PRKAR1B: variants seen among roughly 807,000 people sequenced by gnomAD.
PRKAR1B encodes protein kinase cAMP-dependent type I regulatory subunit beta.
A neutral mutation model predicts 46.5 loss-of-function variants in PRKAR1B; 22 were observed. The observed-to-expected ratio is 0.47, with a 90% CI of 0.34 to 0.68. PRKAR1B has a LOEUF of 0.68. PRKAR1B is among the 30% of genes least tolerant of loss of function. The pLI, the probability that PRKAR1B is intolerant of heterozygous loss-of-function variation, is 0.01. For missense variants in PRKAR1B, 445 were observed against 535.6 expected (o/e 0.83, Z 1.67); for synonymous variants, 259 against 217.7 (o/e 1.19, Z -1.67).
At chr7:703,692 C>T (rs1019199902) in intron 2 of PRKAR1B, among the ~76,000 whole-genome samples, 47 of 151,192 alleles carry the variant, frequency 3.1e-4, no homozygotes, top group African/African-American at 1.1e-3. Flanking sequence ...ATGCAAAAGA[C>T]CCTAACCTGA....
At chr7:645,900 C>G (rs188913915) in intron 4 of PRKAR1B, among the ~76,000 whole-genome samples, 263 of 152,290 alleles carry the variant, frequency 1.7e-3, no homozygotes, top group Middle Eastern at 3.4e-3. Flanking sequence ...CCGATCTGGT[C>G]CCTGTTTTCA....
chr7:656,740 C>CATGG lies in PRKAR1B; in HGVS notation c.440+20485_440+20488dup, dbSNP rs530861246. On this transcript the variant is annotated intron_variant, in intron 4 of 10. Coordinates refer to ENST00000537384, the MANE Select transcript of PRKAR1B (RefSeq NM_001164760.2). Reference sequence around the variant, plus strand: ...AAATGAGTGGATGGATGTGTAAATGCATGGATGGATGAATGAATGAATGGA... The same window carrying CATGG: ...AAATGAGTGGATGGATGTGTAAATGCATGGATGGATGGATGAATGAATGAATGGA... Among the ~76,000 whole-genome samples the CATGG allele has an allele frequency of 4.1e-3, 625 of 151,248 alleles. 1 individual carries two copies. The highest frequency in any genetic ancestry group is 0.02 in the South Asian group (94 of 4,782).
Position 680,713 on chromosome 7 carries a change from T to C in PRKAR1B, c.191A>G (p.Gln64Arg). ...FEKLEKEENR[Q>R]ILARQKSNSQ... is the part of the protein sequence containing the mutation. ...GTTTGACTTTTGCCGCGCCAAAATC[T>C]GCCTGTTTTCTTCCTGTGTGGGAGA... The change falls in exon 3 of 11, where the codon CAG (glutamine) becomes CGG (arginine). Residue 64 changes from glutamine (Q) to arginine (R), a missense_variant. Coordinates refer to ENST00000537384, the MANE Select transcript of PRKAR1B (RefSeq NM_001164760.2). 6.2e-7 allele frequency: 1 copy of C among 1,613,984 alleles called. No individual in the cohort carries two copies.
chr7:581,654 C>T (rs1780193519), intron 8 of PRKAR1B, among the ~76,000 whole-genome samples: 1 of 152,178 alleles, frequency 6.6e-6, no homozygotes, highest in South Asian at 2.1e-4. Flanking sequence ...AAATTATCTC[C>T]TGGCTACATT....
At chr7:613,339 T>C (rs535587051) in intron 4 of PRKAR1B, among the ~76,000 whole-genome samples, 26 of 152,088 alleles carry the variant, frequency 1.7e-4, no homozygotes, top group Admixed American at 1.1e-3. Context: ...CCGTTCATCA[T>C]TGGAGAAAAC....
chr7:579,318 C>T lies in PRKAR1B; in HGVS notation c.829G>A (p.Glu277Lys). The T allele has an allele frequency of 6.2e-7, 1 of 1,614,178 alleles. No homozygotes were observed. Among genetic ancestry groups the T allele is most frequent in the East Asian group, 2.2e-5 (1 of 44,876 alleles). Residue 277 changes from glutamate to lysine, a missense_variant, in exon 9 of 11, where the codon GAA (glutamate) becomes AAA (lysine). Glu to Lys is a moderately conservative substitution (Grantham distance 56). This residue lies in a region of PRKAR1B where 51 missense variants were observed against 85.1 expected (regional missense o/e 0.60). Transcript: ENST00000537384. ...VADALEPVQF[E>K]DGEKIVVQGE... ...TGGACCACAATTTTCTCTCCATCTT[C>T]AAACTGGACGGGCTCCAGCGCATCC...
intron 4 of PRKAR1B, among the ~76,000 whole-genome samples, chr7:620,749 C>T (rs572544074): frequency 2.3e-5 from 3 of 129,982 alleles, no homozygotes; most frequent in African/African-American, 4.4e-5. Flanking sequence ...AATTCATCTT[C>T]TCTCTACCCT....
At chr7:675,685 C>T (rs934051538) in intron 4 of PRKAR1B, among the ~76,000 whole-genome samples, 2 of 152,162 alleles carry the variant, frequency 1.3e-5, no homozygotes, top group African/African-American at 4.8e-5. Context: ...CAGTGGCTCA[C>T]GCCTGTAATC....
In PRKAR1B at chr7:607,806, T is replaced by C. The variant is rs555379865; in HGVS notation, c.441-354A>G. On this transcript the variant is annotated intron_variant, in intron 4 of 10. Transcript: ENST00000537384. ...ACATTCTCCCATCGGTAAATACAAT[T>C]CTACTAGAATACAACCAGCAATCTT... The C allele has an allele frequency of 2.6e-4, 61 of 232,336 alleles. No homozygotes were observed. The Middle Eastern group carries it at 0.014, about 53-fold the overall frequency. The allele number at this position is 232,336 out of a possible 1,614,324, so 14.4% of individuals were successfully genotyped here.
rs1020924886 is a variant in PRKAR1B, at chr7:679,599, C to G, written c.348+957G>C. Among the ~76,000 whole-genome samples the G allele has an allele frequency of 2.0e-5, 3 of 152,294 alleles. No homozygotes were observed. In the East Asian group the frequency reaches 5.8e-4, roughly 29 times the overall value. Reference sequence around the variant, plus strand: ...GGTGTGCGTGTTTAGGGAATAGAGTCTCAGTTCTGCAAGGTAAGAAGGTTC... The same window carrying G: ...GGTGTGCGTGTTTAGGGAATAGAGTGTCAGTTCTGCAAGGTAAGAAGGTTC... On this transcript the variant is annotated intron_variant, in intron 3 of 10. Coordinates refer to ENST00000537384, the MANE Select transcript of PRKAR1B (RefSeq NM_001164760.2).
intron 4 of PRKAR1B, among the ~76,000 whole-genome samples, chr7:617,789 G>A (rs1364752289): frequency 1.3e-5 from 2 of 152,200 alleles, no homozygotes; most frequent in African/African-American, 4.8e-5. Context: ...AGCCCAGGAC[G>A]TGGCAGGTCG....
Position 550,360 on chromosome 7 carries a change from G to A in PRKAR1B, c.*70C>T. On this transcript the variant is annotated 3_prime_UTR_variant, in exon 11 of 11. Coordinates refer to ENST00000537384, the MANE Select transcript of PRKAR1B (RefSeq NM_001164760.2). ...CCACACCTCACACAGCGGCTCCCGG[G>A]CCCCCGACACAGACGAGCAGGGCAC... The A allele has an allele frequency of 2.1e-6, 3 of 1,459,398 alleles. No individual in the cohort carries two copies. The highest frequency in any genetic ancestry group is 2.8e-6 in the Non-Finnish European group (3 of 1,068,272). The allele number at this position is 1,459,398 out of a possible 1,614,324, so 90.4% of individuals were successfully genotyped here.
intron 9 of PRKAR1B, among the ~76,000 whole-genome samples, chr7:571,278 C>T (rs976250664): frequency 6.6e-6 from 1 of 152,228 alleles, no homozygotes; most frequent in African/African-American, 2.4e-5. Context: ...CCTCGCGGTA[C>T]AGGCTGGGTC....
At chr7:610,457 G>T (rs1369228535) in intron 4 of PRKAR1B, among the ~76,000 whole-genome samples, 1 of 152,148 alleles carries the variant, frequency 6.6e-6, no homozygotes, top group Non-Finnish European at 1.5e-5. Context: ...TCTCCCCAGG[G>T]ACGGAGGAAC....
chr7:646,929 A>G (rs1784647484), intron 4 of PRKAR1B, among the ~76,000 whole-genome samples: 1 of 152,214 alleles, frequency 6.6e-6, no homozygotes, highest in Non-Finnish European at 1.5e-5. Flanking sequence ...TGAGGGCGGC[A>G]GCGGTACACC....
chr7:670,059 T>G (rs771481171), intron 4 of PRKAR1B, among the ~76,000 whole-genome samples: 49 of 151,516 alleles, frequency 3.2e-4, no homozygotes, highest in Non-Finnish European at 5.6e-4. Flanking sequence ...TAGTAGAGAC[T>G]GGGTTTCACT....
Position 651,533 on chromosome 7 carries a change from G to A in PRKAR1B, c.440+25696C>T, listed in dbSNP as rs1401533154. On this transcript the variant is annotated intron_variant, in intron 4 of 10. Coordinates refer to ENST00000537384, the MANE Select transcript of PRKAR1B (RefSeq NM_001164760.2). ...CTGTCAGAAGACAGTTCACACCCGT[G>A]CAGCGCTAGGAACCTGGGAAACCCC... Among the ~76,000 whole-genome samples the A allele has an allele frequency of 5.6e-5, 8 of 142,162 alleles. No individual in the cohort carries two copies. The South Asian group carries it at 1.4e-3, about 24-fold the overall frequency. 93.3% of individuals were successfully genotyped at this position (142,162 alleles called of 152,430 possible).
In PRKAR1B at chr7:644,222, C is replaced by T. The variant is rs1321888524; in HGVS notation, c.440+33007G>A. ...TGTTCAACCTGCGTCAGGATGAACCCTCATATTATAGAATGACTCCCCTGT... is the reference window on the plus strand; with the variant it reads ...TGTTCAACCTGCGTCAGGATGAACCTTCATATTATAGAATGACTCCCCTGT... On this transcript the variant is annotated intron_variant, in intron 4 of 10. Transcript: ENST00000537384. The surrounding 1 kb of genome is among the most constrained non-coding windows in gnomAD (Gnocchi z 4.9). Among the ~76,000 whole-genome samples, 2 of 152,070 alleles carry T rather than the reference C, an allele frequency of 1.3e-5. No homozygotes were observed. The highest frequency in any genetic ancestry group is 3.9e-4 in the East Asian group (2 of 5,182).
intron 9 of PRKAR1B, among the ~76,000 whole-genome samples, chr7:553,967 CAG>C (rs1310272736): frequency 3.9e-5 from 6 of 152,264 alleles, no homozygotes; most frequent in African/African-American, 1.2e-4. Context: ...CAGGGGGAGA[CAG>C]GGAGCGTGCC....
Sources: gnomAD v4.1 joint callset for allele counts (sites outside exome capture counted in the v4.1 genomes callset) on GRCh38, gnomAD v4.1.1 for gene constraint, gnomAD v4.1.1 regional missense constraint, Gnocchi (gnomAD v3.1) non-coding constraint, MANE v1.5 for transcripts, NCBI Gene and HGNC (gene_info 2026-07-23, HGNC 2026-07-21) for gene names.